Variants in PROSER2 observed in about 807,000 individuals in gnomAD.
PROSER2 encodes the protein proline and serine-rich protein 2.
PROSER2 carries 18 observed loss-of-function variants against 14.6 expected under a neutral mutation model. That is an observed-to-expected ratio of 1.23 (90% confidence interval 0.85 to 1.83). The LOEUF (loss-of-function observed/expected upper bound fraction) is 1.83, where lower values mean the gene tolerates loss of function less well. PROSER2 is among the 40% of genes most tolerant of loss of function. PROSER2 has a pLI of 0.00. For synonymous variants in PROSER2, 367 were observed against 286.4 expected, an observed-to-expected ratio of 1.28 and a Z score of -2.84; for missense variants, 823 against 629.8, an observed-to-expected ratio of 1.31 and a Z score of -3.28.
chr10:11,832,680 C>T (rs3949951), intron 1 of PROSER2, among the ~76,000 whole-genome samples: 1 of 152,188 alleles, frequency 6.6e-6, no homozygotes, highest in Non-Finnish European at 1.5e-5. Flanking sequence ...AGATTAATTT[C>T]TCCTAAATTG....
In PROSER2 at chr10:11,870,348, C is replaced by T. The variant is rs1244982469; in HGVS notation, c.1250C>T (p.Ser417Leu). The T allele has an allele frequency of 2.0e-6, 3 of 1,508,356 alleles. No homozygotes were observed. The highest frequency in any genetic ancestry group is 2.2e-5 in the Admixed American group (1 of 44,714). The allele number at this position is 1,508,356 out of a possible 1,614,324, so 93.4% of individuals were successfully genotyped here. A position where few individuals can be genotyped will look rare whatever the true frequency, so the allele number is the denominator to read the frequency against. The change falls in exon 4 of 4, where the codon TCG (serine) becomes TTG (leucine). Residue 417 changes from serine to leucine, a missense_variant. Transcript: ENST00000277570. Reference sequence around the variant, plus strand: ...GTGCAGTTCGCGGGCCGCGGCTCCTCGGAGGAGGCGCGCAGGGAGGCCCTG... The same window carrying T: ...GTGCAGTTCGCGGGCCGCGGCTCCTTGGAGGAGGCGCGCAGGGAGGCCCTG... ...ITVQFAGRGS[S>L]EEARREALRK... is the part of the protein sequence containing the mutation.
chr10:11,854,845 C>G (rs1564309650), intron 2 of PROSER2, among the ~76,000 whole-genome samples: 2 of 152,088 alleles, frequency 1.3e-5, no homozygotes, highest in East Asian at 3.9e-4. Flanking sequence ...TCATACTCCA[C>G]TTTTTTGGAA....
In PROSER2 at chr10:11,869,572, T is replaced by C; in HGVS notation, c.474T>C (p.Leu158=). ...CAGACCCCCCGGCTCCCGAGACCCT[T>C]CTTGCGCCACCACCCCTGCCTAGCA... is the stretch of plus-strand genomic sequence containing the variant. ...PPPDPPAPET[L]LAPPPLPSTP... The change falls in exon 4 of 4, where the codon CTT becomes CTC. Residue 158 remains leucine, a synonymous_variant. Transcript: ENST00000277570. The surrounding 1 kb of genome is among the most constrained non-coding windows in gnomAD (Gnocchi z 4.4). The C allele has an allele frequency of 6.2e-7, 1 of 1,611,764 alleles. No individual in the cohort carries two copies. Among genetic ancestry groups the C allele is most frequent in the Non-Finnish European group, 8.5e-7 (1 of 1,178,246 alleles).
chr10:11,841,325 T>G (rs1833843037), intron 1 of PROSER2, among the ~76,000 whole-genome samples: 1 of 152,168 alleles, frequency 6.6e-6, no homozygotes, highest in African/African-American at 2.4e-5. Flanking sequence ...ATATTGTTCA[T>G]CCATTTTTCC....
intron 1 of PROSER2, among the ~76,000 whole-genome samples, chr10:11,839,287 C>T (rs1489007841): frequency 2.6e-5 from 4 of 151,956 alleles, no homozygotes; most frequent in Non-Finnish European, 5.9e-5. Context: ...AGTAGAAATT[C>T]GAGAGGTATA....
chr10:11,870,084 T>A lies in PROSER2; in HGVS notation c.986T>A (p.Leu329His), dbSNP rs1834446217. The change falls in exon 4 of 4, where the codon CTC becomes CAC. Residue 329 changes from leucine to histidine, a missense_variant. Leu to His is a moderately conservative substitution (Grantham distance 99). Transcript: ENST00000277570. ...GRGLPGPAES[L>H]RAGGQAPRGP... Reference sequence around the variant, plus strand: ...GGCCTGCCGGGCCCCGCTGAGAGTCTCCGGGCAGGGGGTCAGGCTCCGCGG... The same window carrying A: ...GGCCTGCCGGGCCCCGCTGAGAGTCACCGGGCAGGGGGTCAGGCTCCGCGG... 7.8e-7 allele frequency: 1 copy of A among 1,286,066 alleles called. No individual in the cohort carries two copies. The highest frequency in any genetic ancestry group is 9.8e-7 in the Non-Finnish European group (1 of 1,017,312). The allele number at this position is 1,286,066 out of a possible 1,614,324, so 79.7% of individuals were successfully genotyped here.
intron 2 of PROSER2, among the ~76,000 whole-genome samples, chr10:11,863,599 C>G (rs1834287330): frequency 6.6e-6 from 1 of 151,856 alleles, no homozygotes; most frequent in African/African-American, 2.4e-5. Flanking sequence ...ATTATAGAGT[C>G]AAATAGTCTA....
rs1209057671 is a variant in PROSER2, at chr10:11,870,763, G to C, written c.*357G>C. ...TAGGACTGGTCTGATTATCATTCTT[G>C]AGTCTCATCTACCCTCTTCTCGAAG... On this transcript the variant is annotated 3_prime_UTR_variant, in exon 4 of 4. Coordinates refer to ENST00000277570, the MANE Select transcript of PROSER2 (RefSeq NM_153256.4). The C allele has an allele frequency of 4.7e-6, 1 of 212,056 alleles. No homozygotes were observed. The highest frequency in any genetic ancestry group is 1.0e-5 in the Non-Finnish European group (1 of 98,098). The allele number at this position is 212,056 out of a possible 1,614,324, so 13.1% of individuals were successfully genotyped here.
At chr10:11,849,182 G>T (rs1162584736) in intron 1 of PROSER2, among the ~76,000 whole-genome samples, 1 of 151,454 alleles carries the variant, frequency 6.6e-6, no homozygotes, top group African/African-American at 2.4e-5. Flanking sequence ...GCAAAACTCC[G>T]TCTCAAAAAA....
chr10:11,866,420 A>G lies in PROSER2; in HGVS notation c.139-111A>G, dbSNP rs555780206. 27 of 1,318,772 alleles carry G rather than the reference A, an allele frequency of 2.0e-5. No homozygotes were observed. In the South Asian group the frequency reaches 3.2e-4, roughly 16 times the overall value. The allele number at this position is 1,318,772 out of a possible 1,614,324, so 81.7% of individuals were successfully genotyped here. On this transcript the variant is annotated intron_variant, in intron 2 of 3. Transcript: ENST00000277570. This position sits in a 1 kb window ranked among gnomAD's most constrained non-coding sequence, Gnocchi z 6.0. ...GTGTGGCAGGGTACTCTCGGGACAC[A>G]GTGAGTTCCGCCCTGGGCTGTGGAC...
chr10:11,870,099 A>G lies in PROSER2; in HGVS notation c.1001A>G (p.Gln334Arg), dbSNP rs892850130. 10 of 1,306,118 alleles carry G rather than the reference A, an allele frequency of 7.7e-6. No individual in the cohort carries two copies. Among genetic ancestry groups the G allele is most frequent in the Non-Finnish European group, 8.7e-6 (9 of 1,028,912 alleles). The allele number at this position is 1,306,118 out of a possible 1,614,324, so 80.9% of individuals were successfully genotyped here. A position where few individuals can be genotyped will look rare whatever the true frequency, so the allele number is the denominator to read the frequency against. ...GCTGAGAGTCTCCGGGCAGGGGGTC[A>G]GGCTCCGCGGGGCCCGGCGCTGGCC... ...GPAESLRAGG[Q>R]APRGPALANG... The change falls in exon 4 of 4, where the codon CAG becomes CGG. Residue 334 changes from glutamine to arginine, a missense_variant. By Grantham distance (43) the Gln-to-Arg change is conservative. Coordinates refer to ENST00000277570, the MANE Select transcript of PROSER2 (RefSeq NM_153256.4).
At chr10:11,853,508 A>T (rs11257361) in intron 2 of PROSER2, among the ~76,000 whole-genome samples, 33,118 of 152,036 alleles carry the variant, frequency 0.22, 3,765 homozygotes, top group Middle Eastern at 0.31. Flanking sequence ...GAATCACTTG[A>T]ACCAGGAGGC....
intron 1 of PROSER2, among the ~76,000 whole-genome samples, chr10:11,835,534 A>G (rs1007703683): frequency 6.6e-6 from 1 of 152,208 alleles, no homozygotes; most frequent in East Asian, 1.9e-4. Flanking sequence ...CAAAGAATGT[A>G]TGGACTCAGT....
In PROSER2 at chr10:11,870,754, A is replaced by C; in HGVS notation, c.*348A>C. 4.6e-6 allele frequency: 1 copy of C among 219,678 alleles called. No homozygotes were observed. The highest frequency in any genetic ancestry group is 9.7e-6 in the Non-Finnish European group (1 of 102,978). The allele number at this position is 219,678 out of a possible 1,614,324, so 13.6% of individuals were successfully genotyped here. On this transcript the variant is annotated 3_prime_UTR_variant, in exon 4 of 4. Coordinates refer to ENST00000277570, the MANE Select transcript of PROSER2 (RefSeq NM_153256.4). ...TGGGAGGAGTAGGACTGGTCTGATTATCATTCTTGAGTCTCATCTACCCTC... is the reference window on the plus strand; with the variant it reads ...TGGGAGGAGTAGGACTGGTCTGATTCTCATTCTTGAGTCTCATCTACCCTC...
At chr10:11,839,901 T>G (rs1393379858) in intron 1 of PROSER2, among the ~76,000 whole-genome samples, 1 of 151,886 alleles carries the variant, frequency 6.6e-6, no homozygotes, top group Non-Finnish European at 1.5e-5. Context: ...TATTTTCCAG[T>G]AAGTATGGTG....
At position 11,830,032 on chromosome 10, in the gene PROSER2, G is replaced by A. The variant is rs375060794; in HGVS notation, c.-82+6562G>A. The stretch of plus-strand genomic sequence containing the variant: ...CTAATTTTTGCATTTTAGTAGAGAC[G>A]GGGTTTTGCCATGTTGGCCATGCTG... On this transcript the variant is annotated intron_variant, in intron 1 of 3. Transcript: ENST00000277570. The surrounding 1 kb of genome is among the most constrained non-coding windows in gnomAD (Gnocchi z 4.5). Among the ~76,000 whole-genome samples the A allele has an allele frequency of 2.0e-5, 3 of 151,718 alleles. No homozygotes were observed. Among genetic ancestry groups the A allele is most frequent in the East Asian group, 3.9e-4 (2 of 5,174 alleles).
Position 11,869,847 on chromosome 10 carries a change from C to A in PROSER2, c.749C>A (p.Ala250Glu). ...CCCAGCCACCCGGCGCAGCCCAAGG[C>A]ACCCCGCTTCCCCAGCAACATCATC... ...PGPSHPAQPK[A>E]PRFPSNIIVT... The change falls in exon 4 of 4, where the codon GCA becomes GAA. Residue 250 changes from alanine to glutamate, a missense_variant. Transcript: ENST00000277570. This position sits in a 1 kb window ranked among gnomAD's most constrained non-coding sequence, Gnocchi z 4.4. 1 of 1,587,024 alleles carries A rather than the reference C, an allele frequency of 6.3e-7. No individual in the cohort carries two copies. Among genetic ancestry groups the A allele is most frequent in the Non-Finnish European group, 8.6e-7 (1 of 1,169,100 alleles).
At chr10:11,831,906 C>G (rs572993371) in intron 1 of PROSER2, 1 of 152,158 alleles carries the variant, frequency 6.6e-6, no homozygotes, top group Admixed American at 6.5e-5. Flanking sequence ...GAGTAAATCA[C>G]TGCTCCTATT....
At position 11,829,835 on chromosome 10, in the gene PROSER2, A is replaced by ATTTTT. The variant is rs5783232; in HGVS notation, c.-82+6388_-82+6392dup. 1.2e-4 allele frequency among the ~76,000 whole-genome samples: 8 copies of ATTTTT among 66,268 alleles called. 1 individual carries two copies. The highest frequency in any genetic ancestry group is 1.1e-3 in the East Asian group (2 of 1,820). 43.5% of individuals were successfully genotyped at this position (66,268 alleles called of 152,430 possible). A position where few individuals can be genotyped will look rare whatever the true frequency, so the allele number is the denominator to read the frequency against. On this transcript the variant is annotated intron_variant, in intron 1 of 3. Transcript: ENST00000277570. ...ATTTTCTTTTTTTTCTTTACTTCTG[A>ATTTTT]TTTTTTTTTTTTTTTTTTTTTTTTT...
Sources: gnomAD v4.1 joint callset for allele counts (sites outside exome capture counted in the v4.1 genomes callset) on GRCh38, gnomAD v4.1.1 for gene constraint, Gnocchi (gnomAD v3.1) non-coding constraint, MANE v1.5 for transcripts, NCBI Gene and HGNC (gene_info 2026-07-23, HGNC 2026-07-21) for gene names.